NAALADL2: variants seen among roughly 807,000 people sequenced by gnomAD.
NAALADL2 encodes N-acetylated alpha-linked acidic dipeptidase like 2, also known as inactive N-acetylated-alpha-linked acidic dipeptidase-like protein 2.
A neutral mutation model predicts 87.2 loss-of-function variants in NAALADL2; 76 were observed. The ratio of observed to expected loss-of-function variants is 0.87; its 90% CI spans 0.72 to 1.05. The LOEUF is 1.05. Among genes scored for constraint, NAALADL2 ranks in the 50% least tolerant of loss-of-function variants. The probability of loss-of-function intolerance (pLI) is 0.00; values close to 1 mark genes in which losing one functional copy is unlikely to be tolerated. For synonymous variants in NAALADL2, 354 were observed against 331.0 expected, an observed-to-expected ratio of 1.07 and a Z score of -0.75; for missense variants, 1,089 against 945.8, an observed-to-expected ratio of 1.15 and a Z score of -1.99.
intron 10 of NAALADL2, among the ~76,000 whole-genome samples, chr3:175,612,472 C>A (rs1724778464): frequency 6.6e-6 from 1 of 152,136 alleles, no homozygotes; most frequent in Non-Finnish European, 1.5e-5. Flanking sequence ...CTATTCTTGG[C>A]CAAAGGACCT....
At chr3:175,463,326 TA>T (rs147685357) in intron 6 of NAALADL2, 74 bp from the exon 7 acceptor site, 43,874 of 925,122 alleles carry the variant, frequency 0.047, 1,978 homozygotes, top group East Asian at 0.21. Flanking sequence ...TGATATTGGA[TA>T]AAATAAATTT....
chr3:175,416,282 AGTGTT>A lies in NAALADL2; in HGVS notation c.1091-30938_1091-30934del, dbSNP rs140367833. The stretch of plus-strand genomic sequence containing the variant: ...TTTAATGCTCTATTGTAATATTTAC[AGTGTT>A]GTGTTGTGATTAAAAGTAAATTATA... On this transcript the variant is annotated intron_variant, in intron 5 of 13. Coordinates refer to ENST00000454872, the MANE Select transcript of NAALADL2 (RefSeq NM_207015.3). 2.0e-3 allele frequency among the ~76,000 whole-genome samples: 300 copies of A among 152,304 alleles called. 1 individual carries two copies. The highest frequency in any genetic ancestry group is 3.2e-3 in the Non-Finnish European group (218 of 68,022).
chr3:175,415,661 A>G (rs1417371981), intron 5 of NAALADL2, among the ~76,000 whole-genome samples: 1 of 152,166 alleles, frequency 6.6e-6, no homozygotes, highest in East Asian at 1.9e-4. Context: ...ATAGCAAAAC[A>G]TAATACAAAA....
chr3:174,948,754 G>T (rs1432427100), intron 1 of NAALADL2, among the ~76,000 whole-genome samples: 2 of 152,124 alleles, frequency 1.3e-5, no homozygotes, highest in Non-Finnish European at 2.9e-5. Context: ...ATCTAGGGCT[G>T]TCTGCACTGA....
intron 2 of NAALADL2, among the ~76,000 whole-genome samples, chr3:175,204,685 CT>C (rs34122279): frequency 0.44 from 67,073 of 151,814 alleles, 16,413 homozygotes; most frequent in Non-Finnish European, 0.54. Flanking sequence ...GATTGTTTAC[CT>C]TGAAAACCCC....
intron 2 of NAALADL2, among the ~76,000 whole-genome samples, chr3:175,201,139 T>TA (rs1739958888): frequency 6.6e-6 from 1 of 152,138 alleles, no homozygotes; most frequent in African/African-American, 2.4e-5. Flanking sequence ...CTGTGGAATA[T>TA]AAAATCCCTG....
intron 11 of NAALADL2, among the ~76,000 whole-genome samples, chr3:175,716,203 T>A (rs979488997): frequency 5.5e-5 from 8 of 146,024 alleles, no homozygotes; most frequent in Admixed American, 4.2e-4. Context: ...TATAATATAT[T>A]GGAATACATA....
chr3:175,499,951 T>G (rs1729315050), intron 9 of NAALADL2, among the ~76,000 whole-genome samples: 2 of 152,112 alleles, frequency 1.3e-5, no homozygotes, highest in South Asian at 2.1e-4. Context: ...TTTGCTAATA[T>G]TGGAATATTA....
chr3:175,649,839 G>C (rs1582770162), intron 11 of NAALADL2, among the ~76,000 whole-genome samples: 1 of 151,974 alleles, frequency 6.6e-6, no homozygotes, highest in African/African-American at 2.4e-5. Context: ...AGTGTGCTTG[G>C]TACCTAAATT....
chr3:175,067,744 T>C (rs1208329699), intron 1 of NAALADL2, among the ~76,000 whole-genome samples: 1 of 152,082 alleles, frequency 6.6e-6, no homozygotes, highest in Admixed American at 6.6e-5. Context: ...ACTAGGTATA[T>C]ATCCAAAAGA....
chr3:175,332,614 T>C (rs1226155900), intron 5 of NAALADL2, among the ~76,000 whole-genome samples: 1 of 152,224 alleles, frequency 6.6e-6, no homozygotes, highest in Admixed American at 6.5e-5. Context: ...ATTTTGATTT[T>C]TTTCTAAATT....
rs1184566017 is a variant in NAALADL2, at chr3:174,896,315, TA to T, written c.43+36873del. Among the ~76,000 whole-genome samples the T allele has an allele frequency of 1.6e-4, 25 of 152,050 alleles. No individual in the cohort carries two copies. The South Asian group carries it at 3.9e-3, about 24-fold the overall frequency. ...TCCACAAGAAAATTATTAGAACTGATAAAAAAAATTCATTCAAGTTGCAGGA... is the reference window on the plus strand; with the variant it reads ...TCCACAAGAAAATTATTAGAACTGATAAAAAAATTCATTCAAGTTGCAGGA... On this transcript the variant is annotated intron_variant, in intron 1 of 13. Coordinates refer to ENST00000454872, the MANE Select transcript of NAALADL2 (RefSeq NM_207015.3).
At position 174,671,013 on chromosome 3, in the gene NAALADL2, C is replaced by T. The variant is rs1447252160; in HGVS notation, c.-114-66628C>T. Among the ~76,000 whole-genome samples, 3 of 152,008 alleles carry T rather than the reference C, an allele frequency of 2.0e-5. No homozygotes were observed. The East Asian group carries it at 5.8e-4, about 29-fold the overall frequency. ...TCTCTCACCCTTTATCCTGCTTTAG[C>T]CGTGTAAAATGTGGCTGCTTCCCCT... On this transcript the variant is annotated intron_variant, in intron 2 of 3. Coordinates refer to the NAALADL2 transcript ENST00000434257.
At chr3:175,686,707 T>C (rs1193729997) in intron 11 of NAALADL2, among the ~76,000 whole-genome samples, 6 of 152,164 alleles carry the variant, frequency 3.9e-5, no homozygotes, top group Non-Finnish European at 4.4e-5. Context: ...ATATAACAAA[T>C]GGTTTCAAAC....
chr3:175,262,454 T>G (rs1751202646), intron 4 of NAALADL2, among the ~76,000 whole-genome samples: 1 of 152,006 alleles, frequency 6.6e-6, no homozygotes, highest in South Asian at 2.1e-4. Flanking sequence ...TATTTTTTGT[T>G]TCCCAAAAAT....
intron 2 of NAALADL2, among the ~76,000 whole-genome samples, chr3:174,634,611 A>C (rs553097268): frequency 6.6e-6 from 1 of 152,260 alleles, no homozygotes; most frequent in Non-Finnish European, 1.5e-5. Flanking sequence ...ATGACCTTAG[A>C]ATATAAGACT....
At chr3:175,421,956 A>G (rs758867410) in intron 5 of NAALADL2, among the ~76,000 whole-genome samples, 17 of 152,076 alleles carry the variant, frequency 1.1e-4, no homozygotes, top group East Asian at 1.9e-4. Flanking sequence ...GTCTGCTGTG[A>G]TTGAAGAATA....
intron 10 of NAALADL2, among the ~76,000 whole-genome samples, chr3:175,620,473 C>T (rs935455454): frequency 6.6e-6 from 1 of 152,178 alleles, no homozygotes; most frequent in Non-Finnish European, 1.5e-5. Context: ...CGGGGAGTCC[C>T]GGGGTCTCGG....
chr3:175,098,596 A>C (rs373848618), intron 2 of NAALADL2, among the ~76,000 whole-genome samples: 2 of 152,188 alleles, frequency 1.3e-5, no homozygotes, highest in African/African-American at 4.8e-5. Context: ...TAAGTGTCCT[A>C]GCAGTTGTCC....
Sources: allele counts gnomAD v4.1 joint callset (sites outside exome capture counted in the v4.1 genomes callset), GRCh38; gene constraint gnomAD v4.1.1; transcripts MANE v1.5; gene names NCBI Gene and HGNC (gene_info 2026-07-23, HGNC 2026-07-21).